FER1L5: variants seen among roughly 807,000 people sequenced by gnomAD.
The protein encoded by FER1L5 is fer-1-like protein 5.
Under a neutral mutation model 279.9 loss-of-function variants are expected in FER1L5, and 187 were observed. The observed-to-expected ratio is 0.67, with a 90% CI of 0.59 to 0.75. The LOEUF (loss-of-function observed/expected upper bound fraction) is 0.75. Among genes scored for constraint, FER1L5 ranks in the 30% least tolerant of loss-of-function variants. FER1L5 has a pLI of 0.00. For synonymous variants in FER1L5, 921 were observed against 989.7 expected, an observed-to-expected ratio of 0.93 and a Z score of 1.30; for missense variants, 2,091 against 2,594.4, an observed-to-expected ratio of 0.81 and a Z score of 4.21.
chr2:96,694,500 C>A lies in FER1L5; in HGVS notation c.3741+36C>A. 1 of 1,498,152 alleles carries A rather than the reference C, an allele frequency of 6.7e-7. No homozygotes were observed. 92.8% of individuals were successfully genotyped at this position (1,498,152 alleles called of 1,614,324 possible). A position where few individuals can be genotyped will look rare whatever the true frequency, so the allele number is the denominator to read the frequency against. On this transcript the variant is annotated intron_variant, in intron 34 of 52. Coordinates refer to ENST00000624922, the MANE Select transcript of FER1L5 (RefSeq NM_001293083.2). This position sits in a 1 kb window ranked among gnomAD's most constrained non-coding sequence, Gnocchi z 4.6. ...TGTGGGATGGGGACGGTGGGCAGGA[C>A]AGGCGGGGGTGGTCTGGAGTGCGCT...
chr2:96,691,333 AC>A lies in FER1L5; in HGVS notation c.2890del (p.Leu964SerfsTer66). On this transcript the variant is annotated frameshift_variant, in exon 28 of 53. Transcript: ENST00000624922. LOFTEE classifies it high-confidence loss of function. The surrounding 1 kb of genome is among the most constrained non-coding windows in gnomAD (Gnocchi z 6.0). ...TGGGGAGCTGAGCCACGAGCAGGAG[AC>A]CCTCTCCTTCCTGCAGCTGGTGAGG... ...NHGELSHEQE[T>X]LSFLQLGLAK... is the part of the protein sequence containing the mutation. The A allele has an allele frequency of 6.5e-7, 1 of 1,549,790 alleles. No homozygotes were observed. Among genetic ancestry groups the A allele is most frequent in the Non-Finnish European group, 8.7e-7 (1 of 1,146,416 alleles).
At chr2:96,701,417 T>C (rs1351753101) in intron 45 of FER1L5, among the ~76,000 whole-genome samples, 1 of 152,266 alleles carries the variant, frequency 6.6e-6, no homozygotes, top group Non-Finnish European at 1.5e-5. Context: ...TATTTGTGTA[T>C]TCTTCAATGT....
chr2:96,661,354 C>G lies in FER1L5; in HGVS notation c.808C>G (p.Leu270Val). The change falls in exon 11 of 53, where the codon CTC becomes GTC. Residue 270 changes from leucine (L) to valine (V), a missense_variant. Coordinates refer to ENST00000624922, the MANE Select transcript of FER1L5 (RefSeq NM_001293083.2). ...CACACTCCTAAGGAAATGGCTAGGC[C>G]TCTGCCAGCCAAATAACCCTGGCAG... ...GHTLLRKWLG[L>V]CQPNNPGSGV... is the part of the protein sequence containing the mutation. 1.3e-6 allele frequency: 2 copies of G among 1,551,438 alleles called. No homozygotes were observed. Among genetic ancestry groups the G allele is most frequent in the Non-Finnish European group, 1.7e-6 (2 of 1,146,892 alleles).
intron 5 of FER1L5, among the ~76,000 whole-genome samples, 152 bp downstream of exon 5, chr2:96,649,829 G>T (rs976706455): frequency 2.0e-5 from 3 of 152,196 alleles, no homozygotes; most frequent in African/African-American, 4.8e-5. Flanking sequence ...ACAGGGTCTA[G>T]ATGCCAGATC....
rs2077276129 is a variant in FER1L5, at chr2:96,694,286, A to G, written c.3637-74A>G. 1.4e-6 allele frequency: 2 copies of G among 1,411,904 alleles called. No individual in the cohort carries two copies. The highest frequency in any genetic ancestry group is 9.5e-7 in the Non-Finnish European group (1 of 1,056,008). The allele number at this position is 1,411,904 out of a possible 1,614,324, so 87.5% of individuals were successfully genotyped here. On this transcript the variant is annotated intron_variant, in intron 33 of 52. Transcript: ENST00000624922. The surrounding 1 kb of genome is among the most constrained non-coding windows in gnomAD (Gnocchi z 4.6). ...GGCTCTGGGCTCGGTGAGGCCTCTGAGGGACCTGCTTGAGGTGAGGGTGAG... is the reference window on the plus strand; with the variant it reads ...GGCTCTGGGCTCGGTGAGGCCTCTGGGGGACCTGCTTGAGGTGAGGGTGAG...
Position 96,661,198 on chromosome 2 carries a change from C to T in FER1L5, c.779-127C>T, listed in dbSNP as rs1462840129. Reference sequence around the variant, plus strand: ...ACGAGTGACTCCCCTTTTCCTCTGCCACTGGATAGAAAGCAGGATGCCTGA... The same window carrying T: ...ACGAGTGACTCCCCTTTTCCTCTGCTACTGGATAGAAAGCAGGATGCCTGA... On this transcript the variant is annotated intron_variant, in intron 10 of 52. Transcript: ENST00000624922. 3 of 623,298 alleles carry T rather than the reference C, an allele frequency of 4.8e-6. No homozygotes were observed. In the Admixed American group the frequency reaches 9.7e-5, roughly 20 times the overall value. 38.6% of individuals were successfully genotyped at this position (623,298 alleles called of 1,614,324 possible). A position where few individuals can be genotyped will look rare whatever the true frequency, so the allele number is the denominator to read the frequency against.
chr2:96,643,689 A>T (rs1346677357), intron 1 of FER1L5, among the ~76,000 whole-genome samples: 1 of 150,866 alleles, frequency 6.6e-6, no homozygotes, highest in East Asian at 1.9e-4. Flanking sequence ...TCTGCTCCTC[A>T]CAGCAATTCC....
rs1026754617 is a variant in FER1L5 at position 96,661,378 on chromosome 2, A to T, written c.832A>T (p.Ser278Cys). Residue 278 changes from serine (S) to cysteine (C), a missense_variant, in exon 11 of 53, where the codon AGT becomes TGT. Transcript: ENST00000624922. ...CCTCTGCCAGCCAAATAACCCTGGCAGTGGTGTGACAGGCTACCTGAAAGT... is the reference window on the plus strand; with the variant it reads ...CCTCTGCCAGCCAAATAACCCTGGCTGTGGTGTGACAGGCTACCTGAAAGT... Reference protein sequence around the residue: ...LGLCQPNNPGSGVTGYLKVTI... With the variant: ...LGLCQPNNPGCGVTGYLKVTI... 46 of 1,551,546 alleles carry T rather than the reference A, an allele frequency of 3.0e-5. No individual in the cohort carries two copies. The highest frequency in any genetic ancestry group is 3.3e-4 in the Middle Eastern group (2 of 6,014).
At chr2:96,668,693 C>T in intron 14 of FER1L5, 58 bp from the exon 15 acceptor site, 1 of 1,545,814 alleles carries the variant, frequency 6.5e-7, no homozygotes, top group Non-Finnish European at 8.7e-7. Flanking sequence ...TTAAAATCTC[C>T]ACGAGGGCCA....
At chr2:96,667,061 T>C (rs2076150635) in intron 14 of FER1L5, among the ~76,000 whole-genome samples, 2 of 152,184 alleles carry the variant, frequency 1.3e-5, no homozygotes, top group Admixed American at 1.3e-4. Context: ...CTATGTGACC[T>C]TGAGCAAGTC....
intron 41 of FER1L5, 26 bp from the exon 42 acceptor site, chr2:96,699,019 C>A: frequency 6.3e-7 from 1 of 1,592,814 alleles, no homozygotes; most frequent in Non-Finnish European, 8.6e-7. Context: ...AGTTCCTATC[C>A]TTCCCCCACT....
rs550567021 is a variant in FER1L5, at chr2:96,652,075, G to A, written c.633+55G>A. On this transcript the variant is annotated intron_variant, in intron 7 of 52. Transcript: ENST00000624922. The stretch of plus-strand genomic sequence containing the variant: ...AGCCAGCCAAGGGCTGGGCATCCCC[G>A]GTGGGCAGCCGGCAAGCTTGCTCCT... 627 of 1,549,404 alleles carry A rather than the reference G, an allele frequency of 4.0e-4. 5 individuals are homozygous for A. The Middle Eastern group carries it at 4.9e-3, about 12-fold the overall frequency.
chr2:96,683,823 G>A (rs2076822446), intron 19 of FER1L5, among the ~76,000 whole-genome samples: 1 of 152,232 alleles, frequency 6.6e-6, no homozygotes, highest in Non-Finnish European at 1.5e-5. Context: ...GTGCGGTTCA[G>A]AATCCTCTAC....
In FER1L5 at chr2:96,704,381, G is replaced by T; in HGVS notation, c.5949+19G>T. 1 of 1,613,532 alleles carries T rather than the reference G, an allele frequency of 6.2e-7. No individual in the cohort carries two copies. Among genetic ancestry groups the T allele is most frequent in the African/African-American group, 1.3e-5 (1 of 75,006 alleles). ...AGCTCCGGTGAGTGGCAGCCATGGG[G>T]GCAAGGACAAAGGTGGTCTCGGGAT... is the stretch of plus-strand genomic sequence containing the variant. On this transcript the variant is annotated intron_variant, in intron 52 of 52. Transcript: ENST00000624922.
At chr2:96,652,462 A>C (rs1231651674) in intron 7 of FER1L5, 3 of 172,650 alleles carry the variant, frequency 1.7e-5, no homozygotes, top group African/African-American at 7.0e-5. Context: ...AGCTGGAAGG[A>C]GTAAGTGAGT....
intron 6 of FER1L5, 134 bp downstream of exon 6, chr2:96,650,423 T>C: frequency 1.4e-6 from 1 of 711,662 alleles, no homozygotes; most frequent in Non-Finnish European, 2.4e-6. Flanking sequence ...GGCCCTCAGA[T>C]CCTTGCCACA....
rs1292069556 is a variant in FER1L5, at chr2:96,694,350, C to T, written c.3637-10C>T. On this transcript the variant is annotated splice_polypyrimidine_tract_variant and intron_variant, in intron 33 of 52. Coordinates refer to ENST00000624922, the MANE Select transcript of FER1L5 (RefSeq NM_001293083.2). The surrounding 1 kb of genome is among the most constrained non-coding windows in gnomAD (Gnocchi z 4.6). ...GCCCAGAGGGCCTCATGCTCCCTGC[C>T]CTCCCCCAGAAGCTTGGAGAGAAGC... 6.5e-7 allele frequency: 1 copy of T among 1,543,662 alleles called. No homozygotes were observed. Among genetic ancestry groups the T allele is most frequent in the South Asian group, 1.2e-5 (1 of 82,406 alleles).
At chr2:96,658,257 C>T (rs928355733) in intron 9 of FER1L5, among the ~76,000 whole-genome samples, 2 of 151,722 alleles carry the variant, frequency 1.3e-5, no homozygotes, top group Non-Finnish European at 1.5e-5. Flanking sequence ...ACCTTGTGAG[C>T]GGCCCACCTT....
At chr2:96,657,178 A>G (rs1301042059) in intron 9 of FER1L5, among the ~76,000 whole-genome samples, 1 of 151,580 alleles carries the variant, frequency 6.6e-6, no homozygotes, top group Non-Finnish European at 1.5e-5. Context: ...GGTTCAAGCA[A>G]TTCTCATGCC....
Sources: gnomAD v4.1 joint callset for allele counts (sites outside exome capture counted in the v4.1 genomes callset) on GRCh38, gnomAD v4.1.1 for gene constraint, Gnocchi (gnomAD v3.1) non-coding constraint, MANE v1.5 for transcripts, NCBI Gene and HGNC (gene_info 2026-07-23, HGNC 2026-07-21) for gene names.